Variants in TENM3 observed in about 807,000 individuals in gnomAD.
TENM3 encodes teneurin-3.
TENM3 carries 63 observed loss-of-function variants against 255.1 expected under a neutral mutation model. The ratio of observed to expected loss-of-function variants is 0.25; its 90% CI spans 0.20 to 0.30. TENM3 has a LOEUF of 0.30. Among genes scored for constraint, TENM3 ranks in the 10% least tolerant of loss-of-function variants. TENM3 has a pLI of 1.00. For synonymous variants in TENM3, 1,306 were observed against 1,322.3 expected (o/e 0.99, Z 0.27); for missense variants, 2,929 against 3,461.1 (o/e 0.85, Z 3.86).
the TENM3 span, among the ~76,000 whole-genome samples, chr4:181,851,608 A>ACACG: frequency 2.0e-5 from 3 of 152,086 alleles, no homozygotes; most frequent in Non-Finnish European, 4.4e-5. Context: ...GCAAACGCAC[A>ACACG]CACGCACGCA....
intron 11 of TENM3, among the ~76,000 whole-genome samples, chr4:182,684,145 G>A (rs1210814177): frequency 6.6e-6 from 1 of 151,188 alleles, no homozygotes; most frequent in Non-Finnish European, 1.5e-5. Flanking sequence ...AAAAGAAGAG[G>A]AAAAATGAGA....
chr4:182,667,423 T>G (rs1339301175), intron 6 of TENM3, among the ~76,000 whole-genome samples: 4 of 152,086 alleles, frequency 2.6e-5, no homozygotes, highest in Admixed American at 2.0e-4. Flanking sequence ...ACTCCTGACC[T>G]TGTGATCCAC....
At chr4:182,708,746 G>C (rs919863294) in intron 12 of TENM3, among the ~76,000 whole-genome samples, 22 of 151,232 alleles carry the variant, frequency 1.5e-4, no homozygotes, top group Non-Finnish European at 2.4e-4. Flanking sequence ...TGCAGTGAGC[G>C]GAGATCGCGC....
chr4:182,604,959 C>G (rs1748265200), intron 4 of TENM3, among the ~76,000 whole-genome samples: 1 of 152,110 alleles, frequency 6.6e-6, no homozygotes, highest in South Asian at 2.1e-4. Flanking sequence ...GTTAAAAAAA[C>G]AGAATACCTA....
At chr4:182,561,759 C>T (rs1208551595) in intron 3 of TENM3, among the ~76,000 whole-genome samples, 1 of 152,028 alleles carries the variant, frequency 6.6e-6, no homozygotes, top group Non-Finnish European at 1.5e-5. Flanking sequence ...TTAAAAACAA[C>T]CTAAATGCCC....
chr4:181,495,143 C>T, the TENM3 span, among the ~76,000 whole-genome samples: 1 of 152,064 alleles, frequency 6.6e-6, no homozygotes, highest in East Asian at 1.9e-4. Context: ...AGTTAATTAT[C>T]AAGACAAACA....
At chr4:182,213,497 C>A (rs192638495) in intron 1 of TENM3, among the ~76,000 whole-genome samples, 79 of 152,252 alleles carry the variant, frequency 5.2e-4, no homozygotes, top group African/African-American at 1.8e-3. Flanking sequence ...TAATTCATAA[C>A]AAATGTGGTT....
At chr4:181,605,380 G>T in the TENM3 span, among the ~76,000 whole-genome samples, 1 of 150,024 alleles carries the variant, frequency 6.7e-6, no homozygotes, top group Non-Finnish European at 1.5e-5. Context: ...GAAGGCGGAG[G>T]TTGCAGTGAG....
intron 2 of TENM3, among the ~76,000 whole-genome samples, chr4:182,338,326 T>C (rs1395884483): frequency 1.3e-5 from 2 of 152,180 alleles, no homozygotes; most frequent in African/African-American, 4.8e-5. Flanking sequence ...TAAAGGCATT[T>C]TGCCCATTAA....
chr4:182,271,888 T>A (rs574742402), intron 1 of TENM3, among the ~76,000 whole-genome samples: 1 of 152,352 alleles, frequency 6.6e-6, no homozygotes, highest in African/African-American at 2.4e-5. Flanking sequence ...TAATTTTTTC[T>A]GTGAGAGCAG....
the TENM3 span, among the ~76,000 whole-genome samples, chr4:181,653,314 C>T: frequency 2.0e-5 from 3 of 152,228 alleles, no homozygotes; most frequent in Non-Finnish European, 2.9e-5. Context: ...ATCTGCGTTT[C>T]TAACAAGGTA....
the TENM3 span, among the ~76,000 whole-genome samples, chr4:182,104,032 AC>A: frequency 2.0e-5 from 3 of 152,212 alleles, no homozygotes; most frequent in African/African-American, 7.2e-5. Flanking sequence ...TCCCTTTGGC[AC>A]TATCCTGGGC....
intron 1 of TENM3, among the ~76,000 whole-genome samples, chr4:182,204,931 T>C (rs1487982581): frequency 6.6e-6 from 1 of 152,200 alleles, no homozygotes; most frequent in Non-Finnish European, 1.5e-5. Context: ...GACAACTGAG[T>C]CTGCATTGTT....
At chr4:182,116,082 T>C in the TENM3 span, among the ~76,000 whole-genome samples, 19 of 152,260 alleles carry the variant, frequency 1.2e-4, no homozygotes, top group Admixed American at 1.0e-3. Context: ...TAGGATTCAC[T>C]CTTAGTATGT....
intron 3 of TENM3, among the ~76,000 whole-genome samples, chr4:182,531,651 C>T (rs1244972959): frequency 6.6e-6 from 1 of 152,136 alleles, no homozygotes; most frequent in African/African-American, 2.4e-5. Context: ...CTTCCAAGAC[C>T]TCTCCTGTGT....
chr4:182,711,502 CTGAAAA>C, intron 12 of TENM3: 1 of 626,150 alleles, frequency 1.6e-6, no homozygotes, highest in Non-Finnish European at 2.0e-6. Context: ...CATGTAGATT[CTGAAAA>C]TTTTCTTGTC....
At chr4:182,524,613 G>A (rs1261216819) in intron 3 of TENM3, among the ~76,000 whole-genome samples, 3 of 151,092 alleles carry the variant, frequency 2.0e-5, no homozygotes, top group Admixed American at 6.6e-5. Flanking sequence ...CTCCTGTCTC[G>A]GCCTCCCAAA....
At chr4:182,609,184 G>A (rs1748742035) in intron 4 of TENM3, among the ~76,000 whole-genome samples, 1 of 152,158 alleles carries the variant, frequency 6.6e-6, no homozygotes, top group African/African-American at 2.4e-5. Context: ...TGTAGAGACT[G>A]GGTCTGCTAT....
chr4:182,610,328 G>GT (rs56180142), intron 4 of TENM3, among the ~76,000 whole-genome samples: 30,519 of 152,072 alleles, frequency 0.2, 3,654 homozygotes, highest in Non-Finnish European at 0.27. Context: ...ACCTGCAGAT[G>GT]TTTTGCCTGC....
Sources: gnomAD v4.1 joint callset for allele counts (sites outside exome capture counted in the v4.1 genomes callset) on GRCh38, gnomAD v4.1.1 for gene constraint, MANE v1.5 for transcripts, NCBI Gene and HGNC (gene_info 2026-07-23, HGNC 2026-07-21) for gene names.